The following ALCAM variants were observed in gnomAD, a reference collection of about 807,000 sequenced individuals.
ALCAM encodes CD166 antigen.
A neutral mutation model predicts 70.9 loss-of-function variants in ALCAM; 30 were observed. The ratio of observed to expected loss-of-function variants is 0.42; its 90% confidence interval spans 0.32 to 0.57. The LOEUF is 0.57. ALCAM is among the 20% of genes least tolerant of loss of function. The pLI is 0.11. For synonymous variants in ALCAM, 249 were observed against 242.5 expected (o/e 1.03, Z -0.25); for missense variants, 591 against 695.1 (o/e 0.85, Z 1.68).
At chr3:105,512,657 G>T (rs1363727400) in intron 1 of ALCAM, among the ~76,000 whole-genome samples, 1 of 151,786 alleles carries the variant, frequency 6.6e-6, no homozygotes, top group East Asian at 1.9e-4. Context: ...AAGTCAACAG[G>T]ATCAGAATCT....
chr3:105,481,667 G>A (rs899350512), intron 1 of ALCAM, among the ~76,000 whole-genome samples: 5 of 152,074 alleles, frequency 3.3e-5, no homozygotes, highest in Admixed American at 6.6e-5. Context: ...GAACCAAACC[G>A]AGGAGATTTT....
In ALCAM at chr3:105,397,539, C is replaced by T. The variant is rs1935986355; in HGVS notation, c.73+30058C>T. On this transcript the variant is annotated intron_variant, in intron 1 of 15. Transcript: ENST00000306107. ...ATAGCTATCACTTCTTGTTATTTAACATAACATAATATATTCATGAATAGG... is the reference window on the plus strand; with the variant it reads ...ATAGCTATCACTTCTTGTTATTTAATATAACATAATATATTCATGAATAGG... Among the ~76,000 whole-genome samples the T allele has an allele frequency of 1.3e-5, 2 of 151,716 alleles. 1 individual carries two copies. Among genetic ancestry groups the T allele is most frequent in the South Asian group, 4.2e-4 (2 of 4,818 alleles).
intron 1 of ALCAM, among the ~76,000 whole-genome samples, chr3:105,495,578 A>G (rs552716631): frequency 2.8e-4 from 43 of 152,334 alleles, no homozygotes; most frequent in Admixed American, 1.8e-3. Context: ...AAAATAGATA[A>G]CAGCAACATA....
intron 1 of ALCAM, among the ~76,000 whole-genome samples, chr3:105,380,206 A>G (rs1477089471): frequency 6.6e-6 from 1 of 151,730 alleles, no homozygotes; most frequent in African/African-American, 2.4e-5. Context: ...GTAATCCCAA[A>G]TTGTATTTTC....
At position 105,574,785 on chromosome 3, in the gene ALCAM, C is replaced by T. The variant is rs1940926275; in HGVS notation, c.*334C>T. 6.6e-6 allele frequency: 1 copy of T among 152,502 alleles called. No homozygotes were observed. Among genetic ancestry groups the T allele is most frequent in the African/African-American group, 2.4e-5 (1 of 41,418 alleles). The allele number at this position is 152,502 out of a possible 1,614,324, so 9.4% of individuals were successfully genotyped here. Reference sequence around the variant, plus strand: ...AATTTTTTACGTAGCTATTTTTATACACTGTAAGCTTTGTTCTGGGAGTTG... The same window carrying T: ...AATTTTTTACGTAGCTATTTTTATATACTGTAAGCTTTGTTCTGGGAGTTG... On this transcript the variant is annotated 3_prime_UTR_variant, in exon 16 of 16. Transcript: ENST00000306107.
intron 6 of ALCAM, among the ~76,000 whole-genome samples, chr3:105,537,646 C>G (rs576871723): frequency 1.5e-4 from 23 of 152,114 alleles, no homozygotes; most frequent in Non-Finnish European, 3.2e-4. Flanking sequence ...AGCAAATACC[C>G]ATTTATGTGT....
At chr3:105,491,288 G>A (rs1163546981) in intron 1 of ALCAM, among the ~76,000 whole-genome samples, 3 of 152,080 alleles carry the variant, frequency 2.0e-5, no homozygotes, top group Non-Finnish European at 4.4e-5. Flanking sequence ...TTTCCTCCTA[G>A]GTCTCTGGGC....
intron 1 of ALCAM, among the ~76,000 whole-genome samples, chr3:105,405,277 CAAAAAA>C (rs35101188): frequency 3.1e-5 from 2 of 65,270 alleles, no homozygotes; most frequent in African/African-American, 1.3e-4. Flanking sequence ...AACTTCGTCT[CAAAAAA>C]AAAAAAAAAA....
chr3:105,572,472 C>T (rs1940879735), intron 15 of ALCAM, among the ~76,000 whole-genome samples: 1 of 152,120 alleles, frequency 6.6e-6, no homozygotes, highest in Non-Finnish European at 1.5e-5. Flanking sequence ...TTTTCTTAAT[C>T]CAGTCGATCA....
chr3:105,400,476 G>A (rs1936060671), intron 1 of ALCAM, among the ~76,000 whole-genome samples: 1 of 152,052 alleles, frequency 6.6e-6, no homozygotes, highest in Non-Finnish European at 1.5e-5. Context: ...AATAGACTGA[G>A]CATAATGTAT....
chr3:105,473,987 C>G (rs113613698), intron 1 of ALCAM, among the ~76,000 whole-genome samples: 1,899 of 151,420 alleles, frequency 0.013, 20 homozygotes, highest in Non-Finnish European at 0.019. Context: ...AAGGGTCAAC[C>G]ACTACATAAT....
intron 11 of ALCAM, among the ~76,000 whole-genome samples, chr3:105,548,015 G>A (rs1274562099): frequency 1.3e-5 from 2 of 151,442 alleles, no homozygotes; most frequent in Admixed American, 1.3e-4. Flanking sequence ...TTATGAATGT[G>A]TGGTCTGACA....
intron 1 of ALCAM, among the ~76,000 whole-genome samples, chr3:105,411,862 C>A (rs972041823): frequency 6.6e-5 from 10 of 151,978 alleles, no homozygotes; most frequent in Non-Finnish European, 1.2e-4. Context: ...ATCCCATAAC[C>A]TAGAAAAGAA....
chr3:105,368,469 T>G (rs1470513258), intron 1 of ALCAM, among the ~76,000 whole-genome samples: 1 of 152,008 alleles, frequency 6.6e-6, no homozygotes, highest in East Asian at 1.9e-4. Context: ...GATTTTTTTT[T>G]CTTTGAAGTT....
intron 14 of ALCAM, among the ~76,000 whole-genome samples, chr3:105,562,096 C>A (rs989884143): frequency 2.0e-5 from 3 of 152,200 alleles, no homozygotes; most frequent in African/African-American, 7.2e-5. Flanking sequence ...TTATACCCCA[C>A]CCTAAGACTG....
intron 1 of ALCAM, among the ~76,000 whole-genome samples, chr3:105,382,094 C>T (rs1220613109): frequency 1.4e-5 from 2 of 145,512 alleles, no homozygotes; most frequent in African/African-American, 2.5e-5. Context: ...CCCCCCTCCC[C>T]CAACCCCACA....
At chr3:105,514,078 T>A (rs1939315478) in intron 1 of ALCAM, among the ~76,000 whole-genome samples, 1 of 151,898 alleles carries the variant, frequency 6.6e-6, no homozygotes, top group South Asian at 2.1e-4. Context: ...TTTACCAATA[T>A]CCTCAATCTC....
chr3:105,391,436 A>G (rs1438968993), intron 1 of ALCAM, among the ~76,000 whole-genome samples: 1 of 151,958 alleles, frequency 6.6e-6, no homozygotes, highest in Non-Finnish European at 1.5e-5. Context: ...TTATTTTTGT[A>G]CATTGATTTT....
intron 1 of ALCAM, among the ~76,000 whole-genome samples, chr3:105,383,351 C>T (rs1935574583): frequency 1.3e-5 from 2 of 151,746 alleles, no homozygotes; most frequent in Non-Finnish European, 2.9e-5. Flanking sequence ...TTTCGGTACA[C>T]ACCCATGATG....
Sources: allele counts gnomAD v4.1 joint callset (sites outside exome capture counted in the v4.1 genomes callset), GRCh38; gene constraint gnomAD v4.1.1; transcripts MANE v1.5; gene names NCBI Gene and HGNC (gene_info 2026-07-23, HGNC 2026-07-21).